Variants in KLF12 observed in about 807,000 individuals in gnomAD.
KLF12 encodes KLF transcription factor 12, also known as Krueppel-like factor 12.
Under a neutral mutation model 37.8 loss-of-function variants are expected in KLF12, and 9 were observed. That is an observed-to-expected ratio of 0.24 (90% CI 0.14 to 0.42). The LOEUF (loss-of-function observed/expected upper bound fraction) is 0.42, where lower values mean the gene tolerates loss of function less well. Ranked by LOEUF, KLF12 falls within the 10% of genes least tolerant of loss-of-function variation. The pLI, the probability that KLF12 is intolerant of heterozygous loss-of-function variation, is 1.00. For synonymous variants in KLF12, 208 were observed against 202.1 expected, an observed-to-expected ratio of 1.03 and a Z score of -0.25; for missense variants, 411 against 516.0, an observed-to-expected ratio of 0.80 and a Z score of 1.97.
At chr13:74,235,309 G>A in the KLF12 span, among the ~76,000 whole-genome samples, 1 of 152,194 alleles carries the variant, frequency 6.6e-6, no homozygotes, top group African/African-American at 2.4e-5. Flanking sequence ...CATGGTTTAT[G>A]TTAAATGAGA....
chr13:74,277,430 G>T, the KLF12 span, among the ~76,000 whole-genome samples: 2 of 152,190 alleles, frequency 1.3e-5, no homozygotes, highest in South Asian at 2.1e-4. Context: ...GGTAGTCACG[G>T]TATTCCCTTC....
the KLF12 span, among the ~76,000 whole-genome samples, chr13:74,276,455 G>A: frequency 6.6e-6 from 1 of 152,026 alleles, no homozygotes; most frequent in Non-Finnish European, 1.5e-5. Context: ...ACATTATTTT[G>A]AACAGGAATT....
the KLF12 span, among the ~76,000 whole-genome samples, chr13:74,210,958 C>T: frequency 1.9e-4 from 29 of 152,074 alleles, no homozygotes; most frequent in Admixed American, 5.9e-4. Flanking sequence ...ACTGCCCAAC[C>T]GAGGTAAGGA....
intron 3 of KLF12, among the ~76,000 whole-genome samples, chr13:73,884,208 GTTGT>G (rs1887112179): frequency 6.6e-6 from 1 of 152,162 alleles, no homozygotes; most frequent in African/African-American, 2.4e-5. Flanking sequence ...GATTGAATGT[GTTGT>G]TTGTCTAAAA....
chr13:73,762,423 A>G (rs956501139), intron 6 of KLF12, among the ~76,000 whole-genome samples: 4 of 152,222 alleles, frequency 2.6e-5, no homozygotes, highest in African/African-American at 9.6e-5. Flanking sequence ...TGGGAACTCA[A>G]CAACAGCCAT....
At chr13:73,925,318 AAGC>A (rs1255670969) in intron 3 of KLF12, among the ~76,000 whole-genome samples, 2 of 152,198 alleles carry the variant, frequency 1.3e-5, no homozygotes, top group African/African-American at 4.8e-5. Flanking sequence ...CTCTAAATTG[AAGC>A]CAGTGCACAT....
At chr13:73,743,206 C>T (rs1159253181) in intron 6 of KLF12, among the ~76,000 whole-genome samples, 2 of 152,198 alleles carry the variant, frequency 1.3e-5, no homozygotes, top group Non-Finnish European at 2.9e-5. Context: ...ATCCTCTTTC[C>T]TCAGCTCTGG....
chr13:74,165,525 C>T, the KLF12 span, among the ~76,000 whole-genome samples: 1 of 151,992 alleles, frequency 6.6e-6, no homozygotes, highest in Admixed American at 6.6e-5. Context: ...TCTTAAACTC[C>T]CACCCTCAAC....
intron 5 of KLF12, among the ~76,000 whole-genome samples, chr13:73,776,149 G>T (rs1880592865): frequency 6.6e-6 from 1 of 152,106 alleles, no homozygotes; most frequent in Non-Finnish European, 1.5e-5. Context: ...AAAAGAAATG[G>T]ATTTATGTAG....
chr13:73,740,467 G>C (rs976636090), intron 6 of KLF12, among the ~76,000 whole-genome samples: 1 of 152,182 alleles, frequency 6.6e-6, no homozygotes, highest in African/African-American at 2.4e-5. Flanking sequence ...CATTATCACA[G>C]AAGATGATTT....
intron 4 of KLF12, among the ~76,000 whole-genome samples, chr13:73,828,675 T>C (rs1293508645): frequency 6.6e-6 from 1 of 152,214 alleles, no homozygotes; most frequent in Non-Finnish European, 1.5e-5. Flanking sequence ...AATGTTACCA[T>C]GTTAAATCCC....
At chr13:74,187,587 C>A in the KLF12 span, among the ~76,000 whole-genome samples, 1 of 152,070 alleles carries the variant, frequency 6.6e-6, no homozygotes. Flanking sequence ...CCCAGCATTC[C>A]ATTGGGAACA....
intron 4 of KLF12, among the ~76,000 whole-genome samples, chr13:73,840,505 T>C (rs1884682660): frequency 6.6e-6 from 1 of 152,118 alleles, no homozygotes; most frequent in Admixed American, 6.6e-5. Flanking sequence ...AATTCCTCTC[T>C]CAACCCCACT....
chr13:74,247,289 C>T, the KLF12 span, among the ~76,000 whole-genome samples: 6 of 152,146 alleles, frequency 3.9e-5, no homozygotes, highest in Admixed American at 3.9e-4. Context: ...CTTGTTTTTA[C>T]AGATCTGATG....
chr13:74,020,890 C>CAAA (rs377702369), intron 1 of KLF12, among the ~76,000 whole-genome samples: 3 of 118,098 alleles, frequency 2.5e-5, no homozygotes, highest in African/African-American at 9.5e-5. Context: ...CACTCCGTCT[C>CAAA]AAAAAAAAAA....
At chr13:74,183,302 G>A in the KLF12 span, among the ~76,000 whole-genome samples, 2 of 152,068 alleles carry the variant, frequency 1.3e-5, no homozygotes, top group Admixed American at 1.3e-4. Context: ...ACATGAATGC[G>A]GGACTCGGCT....
At chr13:74,041,691 T>TACACACACACACAC (rs59315484) in intron 1 of KLF12, among the ~76,000 whole-genome samples, 4 of 142,268 alleles carry the variant, frequency 2.8e-5, no homozygotes, top group African/African-American at 1.0e-4. Context: ...ATCGCTGATT[T>TACACACACACACAC]ACACACACAC....
intron 3 of KLF12, among the ~76,000 whole-genome samples, chr13:73,883,680 A>T (rs1166708008): frequency 5.9e-5 from 9 of 152,214 alleles, no homozygotes; most frequent in Non-Finnish European, 1.5e-5. Context: ...TCTTTGCTTC[A>T]AGGAGCTTAT....
chr13:74,298,796 T>G, the KLF12 span, among the ~76,000 whole-genome samples: 1 of 152,196 alleles, frequency 6.6e-6, no homozygotes, highest in African/African-American at 2.4e-5. Context: ...TATTCCTGCT[T>G]CTTAATATAT....
Sources: allele counts gnomAD v4.1 joint callset (sites outside exome capture counted in the v4.1 genomes callset), GRCh38; gene constraint gnomAD v4.1.1; transcripts MANE v1.5; gene names NCBI Gene and HGNC (gene_info 2026-07-23, HGNC 2026-07-21).